The following ORC3 variants were observed in gnomAD, a reference collection of about 807,000 sequenced individuals.
ORC3 encodes the protein origin recognition complex subunit 3.
A neutral mutation model predicts 100.7 loss-of-function variants in ORC3; 78 were observed. The observed-to-expected ratio is 0.77, with a 90% CI of 0.65 to 0.94. The LOEUF is 0.94. Among genes scored for constraint, ORC3 ranks in the 40% least tolerant of loss-of-function variants. ORC3 has a pLI of 0.00. For missense variants in ORC3, 789 were observed against 823.9 expected (o/e 0.96, Z 0.52); for synonymous variants, 295 against 289.3 (o/e 1.02, Z -0.20).
the ORC3 span, among the ~76,000 whole-genome samples, chr6:87,674,677 T>C: frequency 6.7e-6 from 1 of 149,728 alleles, no homozygotes; most frequent in Non-Finnish European, 1.5e-5. Context: ...GGTTTCACTG[T>C]GTTAGCCAGG....
the ORC3 span, among the ~76,000 whole-genome samples, chr6:87,674,643 T>TATATA: frequency 6.7e-5 from 9 of 133,758 alleles, no homozygotes; most frequent in Admixed American, 3.7e-4. Flanking sequence ...TATATATATA[T>TATATA]TTTTTTTTTT....
chr6:87,676,596 A>AACACACGCGCGCGCAC, the ORC3 span, among the ~76,000 whole-genome samples: 5 of 142,046 alleles, frequency 3.5e-5, no homozygotes, highest in African/African-American at 1.4e-4. Flanking sequence ...CTCTACTAAA[A>AACACACGCGCGCGCAC]ACACACACAC....
intron 13 of ORC3, among the ~76,000 whole-genome samples, chr6:87,637,015 T>C (rs1767881721): frequency 1.3e-5 from 2 of 152,198 alleles, no homozygotes; most frequent in Non-Finnish European, 2.9e-5. Context: ...GTAAATAAAA[T>C]ATCTTAGTGT....
chr6:87,605,720 T>C (rs990251502), intron 4 of ORC3, among the ~76,000 whole-genome samples, 197 bp from the exon 5 acceptor site: 1 of 152,200 alleles, frequency 6.6e-6, no homozygotes, highest in Admixed American at 6.5e-5. Flanking sequence ...GTGCAAAATA[T>C]CTTTCCTGAC....
chr6:87,675,319 C>A, the ORC3 span: 2 of 488,542 alleles, frequency 4.1e-6, no homozygotes, highest in Admixed American at 3.5e-5. Context: ...CAGCTTTAAT[C>A]CTTTTCAAAC....
rs182140458 is a variant in ORC3 at position 87,629,427 on chromosome 6, A to G, written c.1186-5418A>G. ...ATGGAAGTAGAAGAGAAATAAATGC[A>G]TGGCAAATGTAATTCTGCCTAGCCT... On this transcript the variant is annotated intron_variant, in intron 11 of 19. Transcript: ENST00000392844. Among the ~76,000 whole-genome samples the G allele has an allele frequency of 2.2e-3, 334 of 152,366 alleles. 1 individual carries two copies. Among genetic ancestry groups the G allele is most frequent in the Non-Finnish European group, 3.8e-3 (258 of 68,044 alleles).
intron 13 of ORC3, among the ~76,000 whole-genome samples, chr6:87,646,218 C>T (rs1325008716): frequency 6.6e-6 from 1 of 151,964 alleles, no homozygotes; most frequent in Non-Finnish European, 1.5e-5. Context: ...GATCTCCTGA[C>T]CTCATGATCC....
chr6:87,660,903 A>G (rs566335483), intron 16 of ORC3, among the ~76,000 whole-genome samples: 1 of 152,330 alleles, frequency 6.6e-6, no homozygotes, highest in Admixed American at 6.5e-5. Flanking sequence ...TCTAATGTAT[A>G]ATGTATTTTG....
At chr6:87,657,888 A>T in intron 15 of ORC3, 33 bp from the exon 16 acceptor site, 1 of 1,200,484 alleles carries the variant, frequency 8.3e-7, no homozygotes. Context: ...CTGTCTGAGG[A>T]TCACCAGAAA....
chr6:87,612,064 T>C, intron 7 of ORC3, 25 bp from the exon 8 acceptor site: 1 of 1,557,242 alleles, frequency 6.4e-7, no homozygotes, highest in Non-Finnish European at 8.8e-7. Flanking sequence ...TAAATTTCAC[T>C]TTTGTGTCTG....
At chr6:87,636,013 C>A (rs896866011) in intron 12 of ORC3, among the ~76,000 whole-genome samples, 1 of 149,634 alleles carries the variant, frequency 6.7e-6, no homozygotes, top group Non-Finnish European at 1.5e-5. Context: ...GGCGCAATCT[C>A]GGCTCACTGC....
intron 17 of ORC3, among the ~76,000 whole-genome samples, chr6:87,664,523 G>T (rs892935022): frequency 3.9e-5 from 6 of 152,056 alleles, no homozygotes; most frequent in African/African-American, 1.4e-4. Context: ...TTCTAATCCT[G>T]GGAATATTCT....
chr6:87,627,250 C>T (rs769894362), intron 11 of ORC3, among the ~76,000 whole-genome samples: 21 of 147,368 alleles, frequency 1.4e-4, no homozygotes, highest in African/African-American at 4.8e-4. Context: ...CCACCCGCCT[C>T]GGCCCCGCAA....
downstream of ORC3, among the ~76,000 whole-genome samples, chr6:87,671,978 A>G (rs1342688010): frequency 6.6e-6 from 1 of 152,244 alleles, no homozygotes; most frequent in Non-Finnish European, 1.5e-5. Flanking sequence ...GTTCAAAGGG[A>G]TATCAGAAGT....
chr6:87,594,877 A>C (rs1027481158), intron 2 of ORC3, among the ~76,000 whole-genome samples: 3 of 152,242 alleles, frequency 2.0e-5, no homozygotes, highest in African/African-American at 7.2e-5. Flanking sequence ...AGAAAGAATG[A>C]TTATAAATTT....
At chr6:87,630,564 A>T (rs1304606862) in intron 11 of ORC3, among the ~76,000 whole-genome samples, 12 of 152,218 alleles carry the variant, frequency 7.9e-5, no homozygotes, top group African/African-American at 2.9e-4. Flanking sequence ...TACCGTTTTC[A>T]TTGTATCAGG....
intron 3 of ORC3, among the ~76,000 whole-genome samples, chr6:87,602,388 C>T (rs1316470903): frequency 6.6e-6 from 1 of 152,008 alleles, no homozygotes; most frequent in Non-Finnish European, 1.5e-5. Flanking sequence ...TTCACTTTCT[C>T]ATCTTTATAT....
chr6:87,596,455 T>C, intron 2 of ORC3, among the ~76,000 whole-genome samples: 1 of 151,484 alleles, frequency 6.6e-6, no homozygotes, highest in Non-Finnish European at 1.5e-5. Context: ...GTTGTTTTTT[T>C]TTTTTTAAGG....
chr6:87,594,268 T>C, intron 1 of ORC3, 85 bp from the exon 2 acceptor site: 1 of 894,146 alleles, frequency 1.1e-6, no homozygotes, highest in Middle Eastern at 2.3e-4. Flanking sequence ...TTTAAAAAAG[T>C]GCTTACCCAT....
Sources: gnomAD v4.1 joint callset for allele counts (sites outside exome capture counted in the v4.1 genomes callset) on GRCh38, gnomAD v4.1.1 for gene constraint, MANE v1.5 for transcripts, NCBI Gene and HGNC (gene_info 2026-07-23, HGNC 2026-07-21) for gene names.